Variants in TDP1 observed in about 807,000 individuals in gnomAD.
TDP1 encodes the protein tyr-DNA phosphodiesterase 1.
Under a neutral mutation model 81.5 loss-of-function variants are expected in TDP1, and 64 were observed. The ratio of observed to expected loss-of-function variants is 0.79; its 90% CI spans 0.64 to 0.97. The LOEUF (loss-of-function observed/expected upper bound fraction) is 0.97, where lower values mean the gene tolerates loss of function less well. Among genes scored for constraint, TDP1 ranks in the 50% least tolerant of loss-of-function variants. The pLI, the probability that TDP1 is intolerant of heterozygous loss-of-function variation, is 0.00. For synonymous variants in TDP1, 256 were observed against 264.3 expected, an observed-to-expected ratio of 0.97 and a Z score of 0.30; for missense variants, 723 against 743.8, an observed-to-expected ratio of 0.97 and a Z score of 0.33.
intron 8 of TDP1, among the ~76,000 whole-genome samples, chr14:89,982,790 T>C (rs17126520): frequency 1.3e-5 from 2 of 152,228 alleles, no homozygotes; most frequent in Admixed American, 1.3e-4. Context: ...TATTTCATGC[T>C]TGGCCTATAT....
intron 14 of TDP1, among the ~76,000 whole-genome samples, chr14:90,014,141 A>G (rs777388632): frequency 2.0e-5 from 3 of 152,252 alleles, no homozygotes. Flanking sequence ...TGTTCTCAAG[A>G]GTCTAAGAAA....
At chr14:90,020,861 T>A (rs1172217507) in intron 15 of TDP1, among the ~76,000 whole-genome samples, 1 of 148,650 alleles carries the variant, frequency 6.7e-6, no homozygotes, top group African/African-American at 2.5e-5. Context: ...AGTGGCATGA[T>A]CTCGGCTCAC....
intron 7 of TDP1, among the ~76,000 whole-genome samples, chr14:89,977,523 C>A (rs1009688410): frequency 2.6e-5 from 4 of 152,210 alleles, no homozygotes; most frequent in African/African-American, 9.6e-5. Flanking sequence ...GTCTCGAACT[C>A]CTGACCTCAG....
At chr14:89,998,806 A>G (rs376486307) in intron 14 of TDP1, among the ~76,000 whole-genome samples, 5 of 152,118 alleles carry the variant, frequency 3.3e-5, no homozygotes, top group African/African-American at 1.2e-4. Flanking sequence ...ACTGGAGTCA[A>G]TAGGATGGGA....
At chr14:89,995,396 C>G (rs969298543) in intron 14 of TDP1, among the ~76,000 whole-genome samples, 1 of 152,124 alleles carries the variant, frequency 6.6e-6, no homozygotes, top group Non-Finnish European at 1.5e-5. Context: ...TCTGATGCCC[C>G]CTCTTAATCA....
intron 16 of TDP1, among the ~76,000 whole-genome samples, chr14:90,036,320 A>G (rs780573764): frequency 2.6e-5 from 4 of 152,202 alleles, no homozygotes; most frequent in Non-Finnish European, 5.9e-5. Flanking sequence ...CTGGGAAGCC[A>G]TATGGACTAT....
chr14:89,963,332 C>G lies in TDP1; in HGVS notation c.218C>G (p.Pro73Arg). The G allele has an allele frequency of 1.2e-6, 2 of 1,614,156 alleles. No individual in the cohort carries two copies. Among genetic ancestry groups the G allele is most frequent in the Non-Finnish European group, 1.7e-6 (2 of 1,180,030 alleles). The change falls in exon 3 of 17, where the codon CCT becomes CGT. Residue 73 changes from proline (P) to arginine (R), a missense_variant. Transcript: ENST00000335725. ...TTCAGCAATACAGATTCAGTTTTACCTCCCAAAAGGCAGAAAAGCGGTTCC... is the reference window on the plus strand; with the variant it reads ...TTCAGCAATACAGATTCAGTTTTACGTCCCAAAAGGCAGAAAAGCGGTTCC... ...VKFSNTDSVLPPKRQKSGSQE... is the reference protein window; with the variant it reads ...VKFSNTDSVLRPKRQKSGSQE...
chr14:90,010,398 C>A (rs2140221037), intron 14 of TDP1, among the ~76,000 whole-genome samples: 1 of 152,270 alleles, frequency 6.6e-6, no homozygotes, highest in South Asian at 2.1e-4. Context: ...AATGGCCACC[C>A]AAAGATGTCT....
chr14:89,960,856 CA>C (rs1892245475), intron 2 of TDP1, among the ~76,000 whole-genome samples: 1 of 152,110 alleles, frequency 6.6e-6, no homozygotes, highest in Non-Finnish European at 1.5e-5. Flanking sequence ...AAAGTATTTC[CA>C]ACCCTCCCCT....
At chr14:89,985,804 G>A (rs1446314308) in intron 10 of TDP1, among the ~76,000 whole-genome samples, 7 of 152,076 alleles carry the variant, frequency 4.6e-5, no homozygotes, top group Non-Finnish European at 5.9e-5. Context: ...TGAGAGGGGC[G>A]GATCACAAGG....
chr14:89,998,105 A>G (rs1036002902), intron 14 of TDP1, among the ~76,000 whole-genome samples: 2 of 152,048 alleles, frequency 1.3e-5, no homozygotes, highest in East Asian at 3.9e-4. Context: ...TTTTAGAAAG[A>G]TAATATGGTA....
chr14:89,967,136 T>C (rs1596508924), intron 4 of TDP1: 1 of 984,810 alleles, frequency 1.0e-6, no homozygotes. Context: ...GATAATTTCC[T>C]GGGAACCTGT....
At chr14:90,004,043 G>T (rs1418543376) in intron 14 of TDP1, among the ~76,000 whole-genome samples, 4 of 152,110 alleles carry the variant, frequency 2.6e-5, no homozygotes, top group African/African-American at 9.7e-5. Flanking sequence ...GGATTAGCTG[G>T]TATGCTTCAT....
intron 16 of TDP1, among the ~76,000 whole-genome samples, chr14:90,041,610 G>A (rs1253672136): frequency 3.9e-5 from 6 of 152,200 alleles, no homozygotes; most frequent in Admixed American, 6.5e-5. Flanking sequence ...CCCCAGAGGC[G>A]AGTTCGCAGT....
At chr14:89,998,663 C>T (rs989139376) in intron 14 of TDP1, among the ~76,000 whole-genome samples, 1 of 151,504 alleles carries the variant, frequency 6.6e-6, no homozygotes, top group Admixed American at 6.6e-5. Flanking sequence ...CAGGGAAGGC[C>T]TTCTGACGTG....
chr14:89,988,918 A>C lies in TDP1; in HGVS notation c.1145A>C (p.His382Pro), dbSNP rs1406458368. 2 of 1,614,172 alleles carry C rather than the reference A, an allele frequency of 1.2e-6. No individual in the cohort carries two copies. The highest frequency in any genetic ancestry group is 1.7e-6 in the Non-Finnish European group (2 of 1,179,990). The stretch of plus-strand genomic sequence containing the variant: ...ATTCTTTCCCAGCTTCTGAAAGACC[A>C]TGCCTCATCCATGCCTAACGCAGAG... ...HFRLKKLLKDHASSMPNAESW... is the reference protein window; with the variant it reads ...HFRLKKLLKDPASSMPNAESW... Residue 382 changes from histidine to proline, a missense_variant, in exon 11 of 17, where the codon CAT becomes CCT. Transcript: ENST00000335725.
At chr14:89,981,435 G>C in intron 8 of TDP1, 1 of 454,150 alleles carries the variant, frequency 2.2e-6, no homozygotes, top group Non-Finnish European at 4.4e-6. Flanking sequence ...TCTTGATTAT[G>C]ACTAACTTTA....
intron 8 of TDP1, chr14:89,983,264 C>A: frequency 2.5e-6 from 1 of 396,796 alleles, no homozygotes; most frequent in South Asian, 1.8e-5. Context: ...GATCACAGAG[C>A]TTACCCAAAA....
intron 15 of TDP1, among the ~76,000 whole-genome samples, chr14:90,027,363 T>C (rs942516279): frequency 2.0e-5 from 3 of 152,114 alleles, no homozygotes; most frequent in African/African-American, 7.2e-5. Flanking sequence ...TGTGTTCCTC[T>C]GCCCTTAAAC....
Sources: gnomAD v4.1 joint callset for allele counts (sites outside exome capture counted in the v4.1 genomes callset) on GRCh38, gnomAD v4.1.1 for gene constraint, MANE v1.5 for transcripts, NCBI Gene and HGNC (gene_info 2026-07-23, HGNC 2026-07-21) for gene names.